The following RNF19B variants were observed in gnomAD, a reference collection of about 807,000 sequenced individuals.
RNF19B encodes E3 ubiquitin-protein ligase RNF19B.
In RNF19B, 23 loss-of-function variants were observed where a neutral mutation model predicts 65.5. The observed-to-expected ratio is 0.35, with a 90% CI of 0.25 to 0.50. The LOEUF is 0.50. Ranked by LOEUF, RNF19B falls within the 20% of genes least tolerant of loss-of-function variation. RNF19B has a pLI of 0.98. For missense variants in RNF19B, 794 were observed against 980.0 expected, an observed-to-expected ratio of 0.81 and a Z score of 2.53; for synonymous variants, 372 against 379.6, an observed-to-expected ratio of 0.98 and a Z score of 0.23.
downstream of RNF19B, among the ~76,000 whole-genome samples, chr1:32,933,635 C>G (rs1417270491): frequency 2.0e-5 from 3 of 152,134 alleles, no homozygotes; most frequent in Admixed American, 6.5e-5. Flanking sequence ...ACTAAAGTGT[C>G]GCTAAGGATT....
At chr1:32,954,134 C>T (rs1471572389) in intron 1 of RNF19B, among the ~76,000 whole-genome samples, 1 of 151,220 alleles carries the variant, frequency 6.6e-6, no homozygotes, top group Non-Finnish European at 1.5e-5. Context: ...TGGTCTCGAA[C>T]TCCTGGCCTT....
chr1:32,959,833 C>T (rs1256235635), intron 1 of RNF19B, among the ~76,000 whole-genome samples: 3 of 147,678 alleles, frequency 2.0e-5, no homozygotes, highest in South Asian at 2.1e-4. Flanking sequence ...GTCAGGAGAT[C>T]GAGACCATCC....
At position 32,961,139 on chromosome 1, in the gene RNF19B, C is replaced by T. The variant is rs377725770; in HGVS notation, c.635+2912G>A. 5.3e-5 allele frequency among the ~76,000 whole-genome samples: 8 copies of T among 152,258 alleles called. No individual in the cohort carries two copies. The South Asian group carries it at 8.3e-4, about 16-fold the overall frequency. On this transcript the variant is annotated intron_variant, in intron 1 of 8. Coordinates refer to ENST00000235150, the MANE Select transcript of RNF19B (RefSeq NM_001300826.2). ...CTTTCAACTGAAGATCTCAAAACAC[C>T]GTGTAAACATTAATTAAACCTCTCA...
intron 6 of RNF19B, among the ~76,000 whole-genome samples, chr1:32,942,957 G>T (rs567065551): frequency 2.3e-3 from 353 of 151,856 alleles, no homozygotes; most frequent in Non-Finnish European, 4.2e-3. Flanking sequence ...TGGCTAACAC[G>T]GTGAAACCCC....
intron 8 of RNF19B, 80 bp from the exon 9 acceptor site, chr1:32,937,339 G>A: frequency 6.2e-6 from 10 of 1,602,632 alleles, no homozygotes; most frequent in Non-Finnish European, 8.5e-6. Context: ...ATGGGTTCAG[G>A]ATTAGGAATT....
rs1207570331 is a variant in RNF19B at position 32,938,502 on chromosome 1, T to G, written c.1637A>C (p.Lys546Thr). 1 of 1,614,208 alleles carries G rather than the reference T, an allele frequency of 6.2e-7. No homozygotes were observed. Among genetic ancestry groups the G allele is most frequent in the East Asian group, 2.2e-5 (1 of 44,890 alleles). Residue 546 changes from lysine (K) to threonine (T), a missense_variant, in exon 8 of 9, where the codon AAG (lysine) becomes ACG (threonine). By Grantham distance (78) the Lys-to-Thr change is moderately conservative. Around this residue, in one of 3 missense-constraint regions of RNF19B, gnomAD observed 368 missense variants for 447.3 expected, o/e 0.82. Coordinates refer to ENST00000235150, the MANE Select transcript of RNF19B (RefSeq NM_001300826.2). ...SRLEVQADVQ[K>T]EIFPKDTASL... The stretch of plus-strand genomic sequence containing the variant: ...GGCTGTGTCTTTGGGGAAAATTTCC[T>G]TTTGGACATCGGCTTGAACTTCTAA...
chr1:32,960,865 T>A (rs542256578), intron 1 of RNF19B, among the ~76,000 whole-genome samples: 42 of 152,072 alleles, frequency 2.8e-4, no homozygotes, highest in Non-Finnish European at 5.4e-4. Context: ...TAATAATAAT[T>A]AGCTGGGCTT....
chr1:32,943,908 T>A (rs965580667), intron 6 of RNF19B, 111 bp downstream of exon 6: 1 of 1,110,042 alleles, frequency 9.0e-7, no homozygotes. Context: ...CCTACAAAGC[T>A]CATTATCCAA....
In RNF19B at chr1:32,938,407, G is replaced by A; in HGVS notation, c.1732C>T (p.Pro578Ser). Reference sequence around the variant, plus strand: ...TGACTGTTCACATACCTGTCCTGTGGGTTGTAGGAACTGATTATGGAACCG... The same window carrying A: ...TGACTGTTCACATACCTGTCCTGTGAGTTGTAGGAACTGATTATGGAACCG... ...MAGSIISSYN[P>S]QDRECNNMEI... Residue 578 changes from proline to serine, a missense_variant, in exon 8 of 9, where the codon CCA (proline) becomes TCA (serine). This residue lies in a region of RNF19B where 368 missense variants were observed against 447.3 expected (regional missense o/e 0.82). Coordinates refer to ENST00000235150, the MANE Select transcript of RNF19B (RefSeq NM_001300826.2). 6.2e-7 allele frequency: 1 copy of A among 1,614,124 alleles called. No homozygotes were observed. The highest frequency in any genetic ancestry group is 8.5e-7 in the Non-Finnish European group (1 of 1,180,014).
chr1:32,935,746 A>G (rs1283884388), downstream of RNF19B, among the ~76,000 whole-genome samples: 1 of 151,622 alleles, frequency 6.6e-6, no homozygotes, highest in African/African-American at 2.4e-5. Context: ...TAACCATGCA[A>G]CATTCACTGA....
At chr1:32,963,544 C>T (rs1014573774) in intron 1 of RNF19B, among the ~76,000 whole-genome samples, 1 of 151,852 alleles carries the variant, frequency 6.6e-6, no homozygotes, top group East Asian at 1.9e-4. Flanking sequence ...GGTGAAACCC[C>T]ATCTCTACTA....
At chr1:32,957,316 C>T (rs1256912587) in intron 1 of RNF19B, among the ~76,000 whole-genome samples, 1 of 152,152 alleles carries the variant, frequency 6.6e-6, no homozygotes, top group South Asian at 2.1e-4. Context: ...TCTGTGAAGT[C>T]TTTCTTGAAA....
At chr1:32,955,321 A>G (rs576293610) in intron 1 of RNF19B, among the ~76,000 whole-genome samples, 10 of 152,054 alleles carry the variant, frequency 6.6e-5, no homozygotes, top group Non-Finnish European at 1.0e-4. Context: ...CCATGTATCT[A>G]TTGGCTTATT....
At chr1:32,955,567 A>C (rs1642616506) in intron 1 of RNF19B, among the ~76,000 whole-genome samples, 2 of 142,608 alleles carry the variant, frequency 1.4e-5, no homozygotes, top group South Asian at 2.2e-4. Flanking sequence ...CCATCTCTAC[A>C]AAAAAAAAAA....
the RNF19B span, among the ~76,000 whole-genome samples, chr1:32,929,313 A>T: frequency 6.6e-6 from 1 of 152,194 alleles, no homozygotes; most frequent in Non-Finnish European, 1.5e-5. Context: ...GGGCCACCCT[A>T]TGCCAATAAG....
chr1:32,951,320 A>G (rs1570106229), intron 1 of RNF19B, among the ~76,000 whole-genome samples: 1 of 152,228 alleles, frequency 6.6e-6, no homozygotes, highest in East Asian at 1.9e-4. Context: ...CACTTCTCCA[A>G]CGCCCCTTTG....
At chr1:32,945,789 T>TATAAA (rs1642352997) in intron 4 of RNF19B, among the ~76,000 whole-genome samples, 161 bp from the exon 5 acceptor site, 2 of 152,168 alleles carry the variant, frequency 1.3e-5, no homozygotes, top group Admixed American at 6.5e-5. Flanking sequence ...AACTCAGACC[T>TATAAA]GGAAGATATA....
chr1:32,939,632 G>A (rs1264121906), intron 7 of RNF19B, among the ~76,000 whole-genome samples: 1 of 152,194 alleles, frequency 6.6e-6, no homozygotes, highest in African/African-American at 2.4e-5. Context: ...AGGACATACA[G>A]GAGCCAACCT....
chr1:32,935,708 A>G (rs867585962), downstream of RNF19B, among the ~76,000 whole-genome samples: 1 of 152,156 alleles, frequency 6.6e-6, no homozygotes, highest in Admixed American at 6.5e-5. Flanking sequence ...TCTTCCTCCA[A>G]TAACAGAATA....
Sources: allele counts gnomAD v4.1 joint callset (sites outside exome capture counted in the v4.1 genomes callset), GRCh38; gene constraint gnomAD v4.1.1; regional missense constraint gnomAD v4.1.1; transcripts MANE v1.5; gene names NCBI Gene and HGNC (gene_info 2026-07-23, HGNC 2026-07-21).